Variants in SLC25A13 observed in about 807,000 individuals in gnomAD.
SLC25A13 encodes solute carrier family 25 member 13.
SLC25A13 carries 70 observed loss-of-function variants against 85.5 expected under a neutral mutation model. The observed-to-expected ratio is 0.82, with a 90% CI of 0.68 to 1.00. The LOEUF (loss-of-function observed/expected upper bound fraction) is 1.00. SLC25A13 is among the 50% of genes least tolerant of loss of function. The probability of loss-of-function intolerance (pLI) is 0.00; values close to 1 mark genes in which losing one functional copy is unlikely to be tolerated. For missense variants in SLC25A13, 765 were observed against 819.8 expected, an observed-to-expected ratio of 0.93 and a Z score of 0.82; for synonymous variants, 259 against 288.7, an observed-to-expected ratio of 0.90 and a Z score of 1.04.
chr7:96,134,052 C>G (rs993883628), intron 14 of SLC25A13, among the ~76,000 whole-genome samples: 1 of 147,292 alleles, frequency 6.8e-6, no homozygotes, highest in African/African-American at 2.5e-5. Flanking sequence ...TGGAGTTTCA[C>G]TTTGTTGCCC....
At chr7:96,263,181 C>G (rs555543705) in intron 3 of SLC25A13, among the ~76,000 whole-genome samples, 1 of 152,120 alleles carries the variant, frequency 6.6e-6, no homozygotes, top group South Asian at 2.1e-4. Context: ...TCTACCAGGA[C>G]TAACTGCATT....
At chr7:96,182,175 G>A (rs915429380) in intron 11 of SLC25A13, among the ~76,000 whole-genome samples, 1 of 152,130 alleles carries the variant, frequency 6.6e-6, no homozygotes, top group Non-Finnish European at 1.5e-5. Flanking sequence ...ATCAAGAATA[G>A]GAACAAGTCA....
intron 2 of SLC25A13, among the ~76,000 whole-genome samples, chr7:96,282,591 A>T (rs1246182894): frequency 1.3e-5 from 2 of 152,224 alleles, no homozygotes. Flanking sequence ...CATTAACTTT[A>T]TTAGGTGCAC....
At chr7:96,292,642 A>G (rs1799172132) in intron 2 of SLC25A13, among the ~76,000 whole-genome samples, 1 of 152,252 alleles carries the variant, frequency 6.6e-6, no homozygotes, top group African/African-American at 2.4e-5. Flanking sequence ...ATAACAGACA[A>G]ACAGAGAGCC....
At chr7:96,234,238 T>C (rs1472833489) in intron 4 of SLC25A13, among the ~76,000 whole-genome samples, 2 of 152,230 alleles carry the variant, frequency 1.3e-5, no homozygotes, top group African/African-American at 2.4e-5. Context: ...CATGATGATG[T>C]TTGTGCCTTG....
intron 14 of SLC25A13, among the ~76,000 whole-genome samples, chr7:96,138,398 CTTTTTTTTTTT>C (rs751447641): frequency 1.4e-5 from 2 of 139,568 alleles, no homozygotes; most frequent in Non-Finnish European, 3.1e-5. Context: ...TTTTCTTTTT[CTTTTTTTTTTT>C]TTTTGAAACA....
chr7:96,261,471 AATTT>A (rs1797848904), intron 3 of SLC25A13, among the ~76,000 whole-genome samples: 1 of 152,088 alleles, frequency 6.6e-6, no homozygotes, highest in African/African-American at 2.4e-5. Flanking sequence ...GTTACTCTAA[AATTT>A]CTGACAATTA....
chr7:96,215,690 G>T (rs1795871168), intron 4 of SLC25A13, among the ~76,000 whole-genome samples: 1 of 151,456 alleles, frequency 6.6e-6, no homozygotes, highest in Non-Finnish European at 1.5e-5. Context: ...AGTTTTAGAA[G>T]AAAATATAGG....
At chr7:96,211,627 G>T (rs1383401865) in intron 4 of SLC25A13, among the ~76,000 whole-genome samples, 1 of 152,148 alleles carries the variant, frequency 6.6e-6, no homozygotes, top group Non-Finnish European at 1.5e-5. Flanking sequence ...ACTATGGCTG[G>T]CACAGTGGTA....
At chr7:96,191,031 G>T in intron 7 of SLC25A13, 78 bp downstream of exon 7, 2 of 1,510,314 alleles carry the variant, frequency 1.3e-6, no homozygotes, top group Non-Finnish European at 9.2e-7. Flanking sequence ...AAATAATAAA[G>T]TACTAGTTGC....
intron 12 of SLC25A13, among the ~76,000 whole-genome samples, chr7:96,170,492 T>C (rs1398784117): frequency 6.6e-6 from 1 of 152,224 alleles, no homozygotes; most frequent in African/African-American, 2.4e-5. Flanking sequence ...TAAAAATCAC[T>C]TTCAAGTCTT....
intron 4 of SLC25A13, among the ~76,000 whole-genome samples, chr7:96,227,553 T>C (rs1472705607): frequency 6.6e-6 from 1 of 152,180 alleles, no homozygotes; most frequent in South Asian, 2.1e-4. Flanking sequence ...GTAATTAAGA[T>C]AGTATAGTAT....
At chr7:96,312,654 C>T (rs909363695) in intron 1 of SLC25A13, among the ~76,000 whole-genome samples, 1 of 152,042 alleles carries the variant, frequency 6.6e-6, no homozygotes, top group Non-Finnish European at 1.5e-5. Context: ...TCACTTATGC[C>T]CTTGAATGCA....
chr7:96,188,221 G>A (rs983860200), intron 9 of SLC25A13, among the ~76,000 whole-genome samples: 8 of 152,184 alleles, frequency 5.3e-5, no homozygotes, highest in African/African-American at 1.7e-4. Context: ...CGTGATTATA[G>A]TTATTTCTCC....
intron 5 of SLC25A13, among the ~76,000 whole-genome samples, chr7:96,198,263 A>G (rs1230412546): frequency 6.6e-6 from 1 of 152,202 alleles, no homozygotes; most frequent in African/African-American, 2.4e-5. Context: ...GCAGGGTTGT[A>G]AAAACCAGAG....
At chr7:96,192,612 C>T (rs146558140) in intron 6 of SLC25A13, among the ~76,000 whole-genome samples, 11 of 151,878 alleles carry the variant, frequency 7.2e-5, no homozygotes, top group East Asian at 1.9e-4. Flanking sequence ...GACACATACA[C>T]GGTGAAAGGG....
Position 96,234,818 on chromosome 7 carries a change from T to C in SLC25A13, c.312A>G (p.Lys104=), listed in dbSNP as rs1796685188. The change falls in exon 4 of 18, where the codon AAA becomes AAG. Residue 104 remains lysine, a synonymous_variant. Coordinates refer to ENST00000265631, the MANE Select transcript of SLC25A13 (RefSeq NM_014251.3). ...GCTTCTTACCAAAAGTTACTTCTCC[T>C]TTGCCAGCTTTGTCAAACAGCTGAA... ...VAFQLFDKAG[K]GEVTFEDVKQ... The C allele has an allele frequency of 1.9e-6, 3 of 1,612,872 alleles. No individual in the cohort carries two copies. In the South Asian group the frequency reaches 3.3e-5, roughly 18 times the overall value.
At chr7:96,141,958 GAT>G (rs1792583083) in intron 14 of SLC25A13, among the ~76,000 whole-genome samples, 1 of 152,190 alleles carries the variant, frequency 6.6e-6, no homozygotes, top group South Asian at 2.1e-4. Context: ...GGCATTGCTT[GAT>G]ATATCTTCAA....
chr7:96,146,634 C>T lies in SLC25A13; in HGVS notation c.1374G>A (p.Val458=), dbSNP rs115266882. ...GAGGACCAGTGGTGATTTCTCCTGCCACTTGCAAACGGATCTTGACGATTT... is the reference window on the plus strand; with the variant it reads ...GAGGACCAGTGGTGATTTCTCCTGCTACTTGCAAACGGATCTTGACGATTT... ...PLEIVKIRLQ[V]AGEITTGPRV... Residue 458 remains valine, a synonymous_variant, in exon 14 of 18, where the codon GTG becomes GTA. Transcript: ENST00000265631. 1.1e-3 allele frequency: 1,729 copies of T among 1,613,996 alleles called. 22 individuals carry two copies. In the African/African-American group the frequency reaches 0.02, roughly 19 times the overall value.
Sources: allele counts gnomAD v4.1 joint callset (sites outside exome capture counted in the v4.1 genomes callset), GRCh38; gene constraint gnomAD v4.1.1; transcripts MANE v1.5; gene names NCBI Gene and HGNC (gene_info 2026-07-23, HGNC 2026-07-21).